EML6: variants seen among roughly 807,000 people sequenced by gnomAD.
The protein encoded by EML6 is echinoderm microtubule-associated protein-like 6.
In EML6, 154 loss-of-function variants were observed where a neutral mutation model predicts 240.1. The ratio of observed to expected loss-of-function variants is 0.64; its 90% CI spans 0.56 to 0.73. EML6 has a LOEUF of 0.73. Ranked by LOEUF, EML6 falls within the 30% of genes least tolerant of loss-of-function variation. The pLI is 0.00. For synonymous variants in EML6, 1,148 were observed against 899.0 expected (o/e 1.28, Z -4.95); for missense variants, 2,964 against 2,474.6 (o/e 1.20, Z -4.20).
At chr2:54,905,862 AT>A (rs1250462379) in intron 24 of EML6, among the ~76,000 whole-genome samples, 2 of 152,204 alleles carry the variant, frequency 1.3e-5, no homozygotes, top group Non-Finnish European at 2.9e-5. Context: ...ATGTGTCAGA[AT>A]TTCCTTACTT....
intron 28 of EML6, among the ~76,000 whole-genome samples, chr2:54,944,302 T>C (rs770082609): frequency 7.9e-5 from 12 of 152,196 alleles, no homozygotes; most frequent in Non-Finnish European, 1.5e-4. Context: ...TCTCATTCCA[T>C]GATACAACCA....
chr2:54,898,870 A>T (rs1163769953), intron 21 of EML6, among the ~76,000 whole-genome samples: 1 of 152,218 alleles, frequency 6.6e-6, no homozygotes, highest in Admixed American at 6.5e-5. Flanking sequence ...TATGAGAATC[A>T]AATTCATTTT....
In EML6 at chr2:54,957,928, A is replaced by C; in HGVS notation, c.4625A>C (p.Tyr1542Ser). The C allele has an allele frequency of 6.4e-7, 1 of 1,551,692 alleles. No individual in the cohort carries two copies. Among genetic ancestry groups the C allele is most frequent in the Non-Finnish European group, 8.7e-7 (1 of 1,146,996 alleles). The part of the protein sequence containing the change: ...FWTLAGSALL[Y>S]KKGVIGSLGA... ...ACCCTGGCAGGCAGCGCCTTGCTTT[A>C]CAAGAAAGGGGTCATCGGGTCCCTG... Residue 1542 changes from tyrosine to serine, a missense_variant, in exon 33 of 42, where the codon TAC becomes TCC. Coordinates refer to ENST00000356458, the MANE Select transcript of EML6 (RefSeq NM_001039753.4).
intron 2 of EML6, among the ~76,000 whole-genome samples, chr2:54,737,808 T>C (rs1558516198): frequency 6.6e-6 from 1 of 152,224 alleles, no homozygotes; most frequent in South Asian, 2.1e-4. Flanking sequence ...GTCCTTGTTA[T>C]GGCTTCTGAG....
chr2:54,779,115 A>G (rs1000460661), intron 2 of EML6, among the ~76,000 whole-genome samples: 1 of 152,196 alleles, frequency 6.6e-6, no homozygotes. Flanking sequence ...ACCAACAGGA[A>G]GAAAAAGCCA....
chr2:54,795,946 G>T (rs1669743394), intron 2 of EML6, among the ~76,000 whole-genome samples: 1 of 152,042 alleles, frequency 6.6e-6, no homozygotes, highest in Non-Finnish European at 1.5e-5. Flanking sequence ...ACTCACTGGT[G>T]GGCTACAACT....
chr2:54,856,467 G>T (rs1372543569), intron 11 of EML6, among the ~76,000 whole-genome samples: 1 of 152,164 alleles, frequency 6.6e-6, no homozygotes, highest in Admixed American at 6.5e-5. Flanking sequence ...GACTTGTGTT[G>T]TACATTTTAT....
At chr2:54,939,810 C>T (rs557446577) in intron 28 of EML6, among the ~76,000 whole-genome samples, 2 of 152,198 alleles carry the variant, frequency 1.3e-5, no homozygotes, top group East Asian at 3.9e-4. Context: ...TGGAATTCCT[C>T]TCCCAATTCT....
chr2:54,811,503 G>C (rs918081942), intron 2 of EML6, among the ~76,000 whole-genome samples: 1 of 152,248 alleles, frequency 6.6e-6, no homozygotes, highest in East Asian at 1.9e-4. Flanking sequence ...GTGTTACTGT[G>C]TATGTATATT....
intron 2 of EML6, among the ~76,000 whole-genome samples, chr2:54,804,511 G>C (rs1670361830): frequency 6.6e-6 from 1 of 152,226 alleles, no homozygotes; most frequent in South Asian, 2.1e-4. Flanking sequence ...ATACTGGTGA[G>C]AACCTCTGCG....
chr2:54,894,533 A>G (rs541341311), intron 19 of EML6, among the ~76,000 whole-genome samples: 75 of 152,280 alleles, frequency 4.9e-4, no homozygotes, highest in African/African-American at 1.7e-3. Flanking sequence ...GTTAACTTCA[A>G]TCCATTTGGT....
Position 54,857,237 on chromosome 2 carries a change from G to A in EML6, c.1658-2297G>A, listed in dbSNP as rs535311765. On this transcript the variant is annotated intron_variant, in intron 11 of 41. Transcript: ENST00000356458. ...GGCACAGAGCTGTCAGTGCTCCAGG[G>A]AGATGTCAGGGCTGGAGATGTGCAC... 2.0e-3 allele frequency among the ~76,000 whole-genome samples: 300 copies of A among 152,190 alleles called. 1 individual carries two copies. Among genetic ancestry groups the A allele is most frequent in the Non-Finnish European group, 3.6e-3 (245 of 68,030 alleles).
intron 29 of EML6, 133 bp from the exon 30 acceptor site, chr2:54,950,517 C>T: frequency 2.1e-6 from 2 of 952,252 alleles, no homozygotes; most frequent in Non-Finnish European, 3.0e-6. Context: ...AAAATGTTTT[C>T]AGTGAGTGTG....
chr2:54,970,916 T>C lies in EML6; in HGVS notation c.*821T>C, dbSNP rs1449906806. 4.6e-5 allele frequency: 7 copies of C among 152,240 alleles called. No homozygotes were observed. Among genetic ancestry groups the C allele is most frequent in the African/African-American group, 7.2e-5 (3 of 41,466 alleles). 9.4% of individuals were successfully genotyped at this position (152,240 alleles called of 1,614,324 possible). On this transcript the variant is annotated 3_prime_UTR_variant, in exon 42 of 42. Transcript: ENST00000356458. ...TGAAGTTCGGGACAGGGTAGAATTA[T>C]GGGTTTTCATTGTGTTTCATGCCAA...
intron 2 of EML6, among the ~76,000 whole-genome samples, chr2:54,728,353 T>C (rs1163842334): frequency 6.6e-6 from 1 of 152,220 alleles, no homozygotes; most frequent in East Asian, 1.9e-4. Context: ...TCACAGTGAT[T>C]CCAGTTGAGA....
intron 2 of EML6, among the ~76,000 whole-genome samples, chr2:54,799,226 A>C (rs2103959254): frequency 6.6e-6 from 1 of 151,940 alleles, no homozygotes; most frequent in Non-Finnish European, 1.5e-5. Context: ...ATGCCCAGCT[A>C]ATTTTTGTAT....
In EML6 at chr2:54,829,394, G is replaced by A. The variant is rs1200779799; in HGVS notation, c.764G>A (p.Arg255Gln). 6 of 1,551,670 alleles carry A rather than the reference G, an allele frequency of 3.9e-6. No homozygotes were observed. The highest frequency in any genetic ancestry group is 5.2e-6 in the Non-Finnish European group (6 of 1,146,866). The change falls in exon 7 of 42, where the codon CGA (arginine) becomes CAA (glutamine). Residue 255 changes from arginine to glutamine, a missense_variant. Arg to Gln is a conservative substitution (Grantham distance 43, BLOSUM62 1). Transcript: ENST00000356458. The stretch of plus-strand genomic sequence containing the variant: ...GAAGAAGGCTTTGCCACTGGTGGGC[G>A]AGATGGGTGTATACGACTGTGGGAC... ...ACEEGFATGG[R>Q]DGCIRLWDTD...
At chr2:54,912,964 A>C (rs1285705889) in intron 25 of EML6, among the ~76,000 whole-genome samples, 2 of 152,000 alleles carry the variant, frequency 1.3e-5, no homozygotes, top group African/African-American at 4.8e-5. Context: ...TTCTTTTTTA[A>C]GTTCTTTGAG....
Position 54,903,177 on chromosome 2 carries a change from T to C in EML6, c.3258T>C (p.Ser1086=). Reference sequence around the variant, plus strand: ...TCCATCACAGAAAAGAAATGATCTCTGATATTAAGTTTTCAAAAGGTGAAG... The same window carrying C: ...TCCATCACAGAAAAGAAATGATCTCCGATATTAAGTTTTCAAAAGGTGAAG... ...VSFHHRKEMI[S]DIKFSKDTGK... The change falls in exon 23 of 42, where the codon TCT becomes TCC. Residue 1086 remains serine (S), a synonymous_variant. Coordinates refer to ENST00000356458, the MANE Select transcript of EML6 (RefSeq NM_001039753.4). 4 of 1,551,936 alleles carry C rather than the reference T, an allele frequency of 2.6e-6. No homozygotes were observed. The highest frequency in any genetic ancestry group is 2.0e-5 in the Admixed American group (1 of 50,996).
Sources: allele counts gnomAD v4.1 joint callset (sites outside exome capture counted in the v4.1 genomes callset), GRCh38; gene constraint gnomAD v4.1.1; transcripts MANE v1.5; gene names NCBI Gene and HGNC (gene_info 2026-07-23, HGNC 2026-07-21).